RANBP2: variants seen among roughly 807,000 people sequenced by gnomAD.
The protein encoded by RANBP2 is RAN binding protein 2.
In RANBP2, 57 loss-of-function variants were observed where a neutral mutation model predicts 303.6. That is an observed-to-expected ratio of 0.19 (90% CI 0.15 to 0.23). The LOEUF is 0.23. RANBP2 is among the 10% of genes least tolerant of loss of function. The probability of loss-of-function intolerance (pLI) is 1.00; values close to 1 mark genes in which losing one functional copy is unlikely to be tolerated. For synonymous variants in RANBP2, 1,167 were observed against 1,301.5 expected, an observed-to-expected ratio of 0.90 and a Z score of 2.23; for missense variants, 3,138 against 3,780.8, an observed-to-expected ratio of 0.83 and a Z score of 4.46.
chr2:108,972,261 G>A, the RANBP2 span, among the ~76,000 whole-genome samples: 9 of 152,268 alleles, frequency 5.9e-5, no homozygotes, highest in African/African-American at 2.2e-4. Context: ...ACCCCTGTAA[G>A]AGACCAACTT....
chr2:109,565,897 G>GT, the RANBP2 span: 1 of 1,481,772 alleles, frequency 6.7e-7, no homozygotes, highest in East Asian at 2.3e-5. Context: ...TCATACCACT[G>GT]TGATAACTGA....
At chr2:109,184,493 G>T in the RANBP2 span, among the ~76,000 whole-genome samples, 1 of 152,170 alleles carries the variant, frequency 6.6e-6, no homozygotes, top group Non-Finnish European at 1.5e-5. Context: ...CCGTGGGTCT[G>T]CTCACTGCTC....
At chr2:109,614,130 G>C in the RANBP2 span, 1 of 1,205,644 alleles carries the variant, frequency 8.3e-7, no homozygotes, top group Non-Finnish European at 1.0e-6. Context: ...GGAGAGCTGG[G>C]ACTCCAGGAA....
At chr2:108,855,568 A>G in the RANBP2 span, among the ~76,000 whole-genome samples, 1 of 152,142 alleles carries the variant, frequency 6.6e-6, no homozygotes, top group Non-Finnish European at 1.5e-5. Context: ...AACTTAATAC[A>G]CATTTATTTA....
chr2:109,465,867 G>T, the RANBP2 span, among the ~76,000 whole-genome samples: 10 of 152,108 alleles, frequency 6.6e-5, no homozygotes, highest in Non-Finnish European at 1.5e-5. Flanking sequence ...GCACCAAGGA[G>T]ACGGTGTTAA....
chr2:109,560,064 G>A, the RANBP2 span, among the ~76,000 whole-genome samples: 1 of 151,990 alleles, frequency 6.6e-6, no homozygotes, highest in African/African-American at 2.4e-5. Context: ...GGGACTACAG[G>A]TGCCCGCCAC....
At chr2:109,113,647 C>T in the RANBP2 span, among the ~76,000 whole-genome samples, 6 of 152,128 alleles carry the variant, frequency 3.9e-5, no homozygotes, top group African/African-American at 1.4e-4. Context: ...GACTAATTGC[C>T]CTGGCCAGAA....
chr2:108,944,933 C>A, the RANBP2 span, among the ~76,000 whole-genome samples: 2 of 152,148 alleles, frequency 1.3e-5, no homozygotes, highest in Non-Finnish European at 2.9e-5. Flanking sequence ...GAGCAGAAGG[C>A]CTAGGGTGTC....
At chr2:109,715,092 C>T in the RANBP2 span, among the ~76,000 whole-genome samples, 1 of 151,772 alleles carries the variant, frequency 6.6e-6, no homozygotes, top group African/African-American at 2.4e-5. Flanking sequence ...TTCAGCCTCC[C>T]AGGTAGCTGG....
chr2:108,728,325 C>T (rs1330468301), intron 1 of RANBP2, among the ~76,000 whole-genome samples: 1 of 151,946 alleles, frequency 6.6e-6, no homozygotes, highest in Non-Finnish European at 1.5e-5. Flanking sequence ...AGAGGATCTC[C>T]CTGTGTCACC....
At chr2:108,841,182 T>C in the RANBP2 span, among the ~76,000 whole-genome samples, 2 of 152,156 alleles carry the variant, frequency 1.3e-5, no homozygotes, top group African/African-American at 4.8e-5. Context: ...GTTACTCTGT[T>C]TTTCTAGTTT....
the RANBP2 span, among the ~76,000 whole-genome samples, chr2:109,067,115 A>G: frequency 2.0e-5 from 3 of 151,654 alleles, no homozygotes; most frequent in Non-Finnish European, 4.4e-5. Context: ...TGTTGCAAAG[A>G]AAGAACACAA....
the RANBP2 span, among the ~76,000 whole-genome samples, chr2:109,589,732 T>C: frequency 6.8e-5 from 10 of 147,208 alleles, no homozygotes; most frequent in Non-Finnish European, 1.5e-4. Context: ...TATTATTATA[T>C]AGCCAAAAAA....
chr2:109,347,487 G>T, the RANBP2 span, among the ~76,000 whole-genome samples: 1 of 152,078 alleles, frequency 6.6e-6, no homozygotes, highest in Admixed American at 6.5e-5. Flanking sequence ...TATCTCAGTG[G>T]CGCCTCAGAA....
At chr2:109,089,802 G>GT in the RANBP2 span, among the ~76,000 whole-genome samples, 3 of 152,264 alleles carry the variant, frequency 2.0e-5, no homozygotes, top group Admixed American at 6.5e-5. Flanking sequence ...TAAAACAAAT[G>GT]TAAGTTTCAA....
rs944772284 is a variant in RANBP2, at chr2:108,751,134, C to A, written c.1274-130C>A. 5 of 1,492,972 alleles carry A rather than the reference C, an allele frequency of 3.3e-6. No homozygotes were observed. The African/African-American group carries it at 5.7e-5, about 17-fold the overall frequency. The allele number at this position is 1,492,972 out of a possible 1,614,324, so 92.5% of individuals were successfully genotyped here. On this transcript the variant is annotated intron_variant, in intron 9 of 28. Transcript: ENST00000283195. Reference sequence around the variant, plus strand: ...TGAGATTTTGCCTAACATAGAATTCCCTTCAGCTTTGATATAGAAAAGCAG... The same window carrying A: ...TGAGATTTTGCCTAACATAGAATTCACTTCAGCTTTGATATAGAAAAGCAG...
downstream of RANBP2, chr2:108,786,840 C>T (rs1678854873): frequency 3.1e-6 from 5 of 1,592,508 alleles, no homozygotes; most frequent in East Asian, 6.9e-5. Context: ...CGAGGGTCGT[C>T]AAGCCACCGG....
At chr2:108,863,088 T>C in the RANBP2 span, among the ~76,000 whole-genome samples, 2 of 152,228 alleles carry the variant, frequency 1.3e-5, no homozygotes, top group Non-Finnish European at 2.9e-5. Context: ...TAATTTGATA[T>C]CTTTCTATCT....
At chr2:109,159,276 G>C in the RANBP2 span, among the ~76,000 whole-genome samples, 2 of 152,200 alleles carry the variant, frequency 1.3e-5, no homozygotes, top group Non-Finnish European at 2.9e-5. Context: ...TCCCGGCGCA[G>C]CTGCCTCTCT....
Sources: gnomAD v4.1 joint callset for allele counts (sites outside exome capture counted in the v4.1 genomes callset) on GRCh38, gnomAD v4.1.1 for gene constraint, MANE v1.5 for transcripts, NCBI Gene and HGNC (gene_info 2026-07-23, HGNC 2026-07-21) for gene names.